Variants in ASH1L observed in about 807,000 individuals in gnomAD.
ASH1L encodes histone-lysine N-methyltransferase ASH1L.
In ASH1L, 23 loss-of-function variants were observed where a neutral mutation model predicts 269.0. The observed-to-expected ratio is 0.09, with a 90% CI of 0.06 to 0.12. ASH1L has a LOEUF of 0.12. Among genes scored for constraint, ASH1L ranks in the 10% least tolerant of loss-of-function variants. ASH1L has a pLI of 1.00. For synonymous variants in ASH1L, 1,187 were observed against 1,253.5 expected, an observed-to-expected ratio of 0.95 and a Z score of 1.12; for missense variants, 2,912 against 3,567.8, an observed-to-expected ratio of 0.82 and a Z score of 4.68.
At chr1:155,373,645 C>T (rs1017786030) in intron 10 of ASH1L, among the ~76,000 whole-genome samples, 2 of 151,976 alleles carry the variant, frequency 1.3e-5, no homozygotes, top group Non-Finnish European at 1.5e-5. Flanking sequence ...TTTGAAATCT[C>T]ATCTAGGCTG....
At chr1:155,531,402 G>A (rs1015745549) in intron 1 of ASH1L, among the ~76,000 whole-genome samples, 19 of 151,782 alleles carry the variant, frequency 1.3e-4, no homozygotes, top group African/African-American at 4.4e-4. Context: ...TGTCACCCAG[G>A]CTGGAGTGCA....
At chr1:155,341,088 C>G (rs923603144) in intron 25 of ASH1L, among the ~76,000 whole-genome samples, 1 of 152,162 alleles carries the variant, frequency 6.6e-6, no homozygotes, top group African/African-American at 2.4e-5. Context: ...TCTCCTGCCT[C>G]AGTCTCCTGA....
intron 3 of ASH1L, among the ~76,000 whole-genome samples, chr1:155,462,456 A>G (rs1664378937): frequency 6.6e-6 from 1 of 152,200 alleles, no homozygotes. Context: ...CACCCACCTC[A>G]GGGTAAAAAG....
intron 5 of ASH1L, among the ~76,000 whole-genome samples, chr1:155,437,356 AC>A (rs1327139754): frequency 6.6e-6 from 1 of 152,186 alleles, no homozygotes; most frequent in Non-Finnish European, 1.5e-5. Flanking sequence ...TATGTTTGTC[AC>A]TAATCATTAG....
chr1:155,524,520 TC>T (rs909902515), intron 1 of ASH1L, among the ~76,000 whole-genome samples: 21 of 108,480 alleles, frequency 1.9e-4, no homozygotes, highest in South Asian at 8.3e-4. Flanking sequence ...AGACTCCGTC[TC>T]AAAAAAAAAA....
At position 155,477,939 on chromosome 1, in the gene ASH1L, A is replaced by G. The variant is rs745593782; in HGVS notation, c.4931T>C (p.Leu1644Pro). 2.5e-6 allele frequency: 4 copies of G among 1,614,072 alleles called. No individual in the cohort carries two copies. The South Asian group carries it at 4.4e-5, about 18-fold the overall frequency. ...AGAAGGCAGTGACTCCTTTCTGTGAAGCCGATTTAGTGAAGTGTCCTGTGC... is the reference window on the plus strand; with the variant it reads ...AGAAGGCAGTGACTCCTTTCTGTGAGGCCGATTTAGTGAAGTGTCCTGTGC... Reference protein sequence around the residue: ...FSAQDTSLNRLHRKESLPSNE... With the variant: ...FSAQDTSLNRPHRKESLPSNE... Residue 1644 changes from leucine (L) to proline (P), a missense_variant, in exon 3 of 28, where the codon CTT becomes CCT. By Grantham distance (98) the Leu-to-Pro change is moderately conservative (BLOSUM62 -3). Around this residue, in one of 13 missense-constraint regions of ASH1L, gnomAD observed 789 missense variants for 897.6 expected, o/e 0.88. Transcript: ENST00000392403.
rs574223301 is a variant in ASH1L, at chr1:155,362,074, TC to T, written c.6687-1666del. 2.9e-3 allele frequency among the ~76,000 whole-genome samples: 435 copies of T among 151,978 alleles called. 2 individuals are homozygous for T. Among genetic ancestry groups the T allele is most frequent in the Non-Finnish European group, 4.8e-3 (325 of 67,976 alleles). On this transcript the variant is annotated intron_variant, in intron 12 of 27. Coordinates refer to ENST00000392403, the MANE Select transcript of ASH1L (RefSeq NM_018489.3). The stretch of plus-strand genomic sequence containing the variant: ...GTTTTTGAGACATAGTCTTGCTCTG[TC>T]CCCAGGCTGGAGTGCAGTGGCAGAA...
chr1:155,477,753 T>G, intron 3 of ASH1L, 133 bp downstream of exon 3: 1 of 842,882 alleles, frequency 1.2e-6, no homozygotes, highest in Non-Finnish European at 1.6e-6. Context: ...AAAGGAATAC[T>G]GAGATTTCAA....
chr1:155,459,281 C>T (rs1323922118), intron 4 of ASH1L, among the ~76,000 whole-genome samples: 1 of 151,992 alleles, frequency 6.6e-6, no homozygotes, highest in African/African-American at 2.4e-5. Context: ...CTGCAACCTC[C>T]GCCTCCCAGG....
At chr1:155,380,286 T>C (rs561582980) in intron 7 of ASH1L, among the ~76,000 whole-genome samples, 170 bp from the exon 8 acceptor site, 2 of 152,202 alleles carry the variant, frequency 1.3e-5, no homozygotes, top group Non-Finnish European at 2.9e-5. Flanking sequence ...CCCACTATAC[T>C]CCACACGATA....
intron 6 of ASH1L, among the ~76,000 whole-genome samples, chr1:155,410,501 G>A (rs904152121): frequency 6.6e-6 from 1 of 152,052 alleles, no homozygotes; most frequent in Non-Finnish European, 1.5e-5. Context: ...ACAGGGTTGT[G>A]TCATGTTGGC....
intron 2 of ASH1L, among the ~76,000 whole-genome samples, 198 bp from the exon 3 acceptor site, chr1:155,482,647 T>G (rs890221389): frequency 6.6e-6 from 1 of 152,206 alleles, no homozygotes; most frequent in African/African-American, 2.4e-5. Flanking sequence ...CATGGTATAT[T>G]ATCTTTGTTG....
intron 2 of ASH1L, among the ~76,000 whole-genome samples, chr1:155,514,720 C>T (rs1668385826): frequency 6.6e-6 from 1 of 152,034 alleles, no homozygotes; most frequent in Non-Finnish European, 1.5e-5. Context: ...AGCGGTGGTT[C>T]AGGAAGTTTT....
intron 4 of ASH1L, among the ~76,000 whole-genome samples, chr1:155,449,435 G>T (rs61812090): frequency 6.6e-6 from 1 of 151,776 alleles, no homozygotes; most frequent in East Asian, 1.9e-4. Context: ...CTTTTAAAAC[G>T]TATCAAGACA....
intron 4 of ASH1L, among the ~76,000 whole-genome samples, chr1:155,444,239 C>T (rs1225212278): frequency 2.0e-5 from 3 of 152,238 alleles, no homozygotes; most frequent in Non-Finnish European, 4.4e-5. Context: ...GCCTTGGCCT[C>T]CCAAAGTCCT....
chr1:155,383,177 T>A (rs1246743538), intron 7 of ASH1L, among the ~76,000 whole-genome samples: 1 of 152,202 alleles, frequency 6.6e-6, no homozygotes, highest in Non-Finnish European at 1.5e-5. Flanking sequence ...TGTTAAAAAA[T>A]TAAGTTTATA....
At chr1:155,399,797 G>A (rs1658676577) in intron 6 of ASH1L, among the ~76,000 whole-genome samples, 1 of 152,102 alleles carries the variant, frequency 6.6e-6, no homozygotes, top group African/African-American at 2.4e-5. Flanking sequence ...ATTTTGACAA[G>A]GAAAGGTGAA....
chr1:155,415,326 G>A (rs1660117037), intron 6 of ASH1L, among the ~76,000 whole-genome samples: 1 of 148,178 alleles, frequency 6.7e-6, no homozygotes, highest in Admixed American at 6.8e-5. Flanking sequence ...AGTTTGCAGT[G>A]AGCCAAGATC....
intron 2 of ASH1L, among the ~76,000 whole-genome samples, chr1:155,488,533 GT>G (rs1666495603): frequency 6.7e-6 from 1 of 148,506 alleles, no homozygotes; most frequent in African/African-American, 2.5e-5. Context: ...AATTAGCAGG[GT>G]GGCGCATGCC....
Sources: allele counts gnomAD v4.1 joint callset (sites outside exome capture counted in the v4.1 genomes callset), GRCh38; gene constraint gnomAD v4.1.1; regional missense constraint gnomAD v4.1.1; transcripts MANE v1.5; gene names NCBI Gene and HGNC (gene_info 2026-07-23, HGNC 2026-07-21).